The following CDH4 variants were observed in gnomAD, a reference collection of about 807,000 sequenced individuals.
The protein encoded by CDH4 is cadherin 4.
Under a neutral mutation model 86.0 loss-of-function variants are expected in CDH4, and 33 were observed. The ratio of observed to expected loss-of-function variants is 0.38; its 90% CI spans 0.29 to 0.51. The LOEUF is 0.51. Ranked by LOEUF, CDH4 falls within the 20% of genes least tolerant of loss-of-function variation. The probability of loss-of-function intolerance (pLI) is 0.86; values close to 1 mark genes in which losing one functional copy is unlikely to be tolerated. For missense variants in CDH4, 1,114 were observed against 1,307.4 expected (o/e 0.85, Z 2.28); for synonymous variants, 555 against 549.4 (o/e 1.01, Z -0.14).
Position 61,691,353 on chromosome 20 carries a change from TTG to T in CDH4, c.170-52203_170-52202del, listed in dbSNP as rs1451492499. On this transcript the variant is annotated intron_variant, in intron 2 of 15. Coordinates refer to ENST00000614565, the MANE Select transcript of CDH4 (RefSeq NM_001794.5). ...TGGATGTGTGTATGTGTGTGTATTTTTGTGTGTGCATGTGCATATGTGTGTGT... is the reference window on the plus strand; with the variant it reads ...TGGATGTGTGTATGTGTGTGTATTTTTGTGTGCATGTGCATATGTGTGTGT... Among the ~76,000 whole-genome samples the T allele has an allele frequency of 4.7e-5, 7 of 149,634 alleles. No homozygotes were observed. The South Asian group carries it at 6.5e-4, about 14-fold the overall frequency.
At chr20:61,824,533 G>A (rs1006783759) in intron 4 of CDH4, among the ~76,000 whole-genome samples, 1 of 152,050 alleles carries the variant, frequency 6.6e-6, no homozygotes, top group Non-Finnish European at 1.5e-5. Flanking sequence ...CCTATGCTGA[G>A]CCGTCTGCCC....
At chr20:61,336,859 T>C (rs13041869) in intron 2 of CDH4, among the ~76,000 whole-genome samples, 56,700 of 151,764 alleles carry the variant, frequency 0.37, 10,604 homozygotes, top group East Asian at 0.5. Flanking sequence ...CTTGAAACAA[T>C]ACCTGCCCAG....
intron 7 of CDH4, among the ~76,000 whole-genome samples, chr20:61,886,221 C>T (rs775479639): frequency 1.1e-4 from 17 of 152,172 alleles, no homozygotes; most frequent in Non-Finnish European, 2.4e-4. Flanking sequence ...GAGTTCCAGG[C>T]GTGGCTCCTG....
At chr20:61,290,636 T>A (rs897883489) in intron 2 of CDH4, among the ~76,000 whole-genome samples, 7 of 152,118 alleles carry the variant, frequency 4.6e-5, no homozygotes, top group Admixed American at 1.3e-4. Context: ...GGATGTGGGG[T>A]GAAGAGTTGA....
intron 2 of CDH4, among the ~76,000 whole-genome samples, chr20:61,456,395 C>T (rs1007912553): frequency 2.0e-5 from 3 of 152,136 alleles, no homozygotes; most frequent in Admixed American, 1.3e-4. Flanking sequence ...CTGATTTTGA[C>T]CCCCCAGTGG....
intron 4 of CDH4, among the ~76,000 whole-genome samples, chr20:61,806,551 A>G (rs2087789047): frequency 7.5e-6 from 1 of 133,674 alleles, no homozygotes; most frequent in Admixed American, 7.3e-5. Context: ...GTCCACGCGC[A>G]CGCACACACA....
chr20:61,843,786 C>T (rs1421085518), intron 4 of CDH4, among the ~76,000 whole-genome samples: 2 of 152,034 alleles, frequency 1.3e-5, no homozygotes, highest in African/African-American at 4.8e-5. Context: ...TGTGATGGTC[C>T]TGTGGGCTTT....
At chr20:61,797,637 A>T (rs1481375408) in intron 4 of CDH4, among the ~76,000 whole-genome samples, 1 of 151,952 alleles carries the variant, frequency 6.6e-6, no homozygotes, top group Non-Finnish European at 1.5e-5. Context: ...AATAAAAAAA[A>T]ATTGCCAGGC....
At chr20:61,589,723 C>T (rs546455405) in intron 2 of CDH4, among the ~76,000 whole-genome samples, 30 of 151,926 alleles carry the variant, frequency 2.0e-4, no homozygotes, top group African/African-American at 6.5e-4. Flanking sequence ...CGTCATTTAG[C>T]ATTAGGTATA....
Position 61,852,868 on chromosome 20 carries a change from A to G in CDH4, c.847A>G (p.Asn283Asp). Residue 283 changes from asparagine (N) to aspartate (D), a missense_variant, in exon 6 of 16, where the codon AAC (asparagine) becomes GAC (aspartate). Physicochemically the swap from Asn to Asp is conservative, Grantham distance 23. Transcript: ENST00000614565. The part of the protein sequence containing the change: ...NRPEFINQVY[N>D]GSVDEGSKPG... ...CCCTGAGTTCATCAACCAGGTCTACAACGGCTCCGTGGACGAGGGCTCCAA... is the reference window on the plus strand; with the variant it reads ...CCCTGAGTTCATCAACCAGGTCTACGACGGCTCCGTGGACGAGGGCTCCAA... 6.2e-7 allele frequency: 1 copy of G among 1,613,984 alleles called. No homozygotes were observed.
At chr20:61,656,141 C>T (rs2087184953) in intron 2 of CDH4, among the ~76,000 whole-genome samples, 1 of 152,152 alleles carries the variant, frequency 6.6e-6, no homozygotes. Context: ...ACCGTGCTCT[C>T]TGACATGCTC....
intron 4 of CDH4, among the ~76,000 whole-genome samples, chr20:61,779,074 C>G (rs868719666): frequency 3.9e-5 from 6 of 152,216 alleles, no homozygotes; most frequent in African/African-American, 1.4e-4. Context: ...TAAAACGCCA[C>G]TTGCTTGGCT....
At chr20:61,803,885 G>A (rs1349620422) in intron 4 of CDH4, among the ~76,000 whole-genome samples, 5 of 152,280 alleles carry the variant, frequency 3.3e-5, no homozygotes, top group Non-Finnish European at 2.9e-5. Context: ...AGGCTCCATC[G>A]CTGCAGAGCG....
intron 2 of CDH4, among the ~76,000 whole-genome samples, chr20:61,365,486 C>T (rs528817790): frequency 2.7e-4 from 41 of 152,126 alleles, no homozygotes; most frequent in African/African-American, 8.7e-4. Flanking sequence ...GGACAGGAGG[C>T]GGCACTCACT....
chr20:61,881,346 G>A (rs192492279), intron 7 of CDH4, among the ~76,000 whole-genome samples: 16 of 152,340 alleles, frequency 1.1e-4, no homozygotes, highest in East Asian at 9.6e-4. Flanking sequence ...GTGGCATTTC[G>A]TAACCAAAGT....
At chr20:61,473,736 TACAC>T (rs201304833) in intron 2 of CDH4, among the ~76,000 whole-genome samples, 10 of 151,662 alleles carry the variant, frequency 6.6e-5, no homozygotes, top group South Asian at 2.1e-4. Context: ...CATGCACACA[TACAC>T]ACACACAGAC....
At chr20:61,793,920 C>T (rs1441777136) in intron 4 of CDH4, among the ~76,000 whole-genome samples, 1 of 149,360 alleles carries the variant, frequency 6.7e-6, no homozygotes, top group African/African-American at 2.5e-5. Flanking sequence ...GGGTAGATCA[C>T]GAAGTCAGGA....
chr20:61,397,192 G>A (rs1022786179), intron 2 of CDH4, among the ~76,000 whole-genome samples: 1 of 152,166 alleles, frequency 6.6e-6, no homozygotes, highest in African/African-American at 2.4e-5. Context: ...TTACAGGTGT[G>A]CACCACCGCA....
intron 2 of CDH4, among the ~76,000 whole-genome samples, chr20:61,304,724 G>T (rs2084406462): frequency 6.6e-6 from 1 of 152,102 alleles, no homozygotes; most frequent in African/African-American, 2.4e-5. Context: ...GCCTCTGTGT[G>T]TGCAGTGTGC....
Sources: gnomAD v4.1 joint callset for allele counts (sites outside exome capture counted in the v4.1 genomes callset) on GRCh38, gnomAD v4.1.1 for gene constraint, MANE v1.5 for transcripts, NCBI Gene and HGNC (gene_info 2026-07-23, HGNC 2026-07-21) for gene names.